Variants in AFDN observed in about 807,000 individuals in gnomAD.
The protein encoded by AFDN is afadin.
A neutral mutation model predicts 216.6 loss-of-function variants in AFDN; 68 were observed. That is an observed-to-expected ratio of 0.31 (90% CI 0.26 to 0.38). The LOEUF (loss-of-function observed/expected upper bound fraction) is 0.38. AFDN is among the 10% of genes least tolerant of loss of function. The pLI is 1.00. For synonymous variants in AFDN, 868 were observed against 853.7 expected (o/e 1.02, Z -0.29); for missense variants, 2,136 against 2,342.0 (o/e 0.91, Z 1.82).
chr6:167,909,799 C>T (rs1483165823), intron 13 of AFDN, among the ~76,000 whole-genome samples: 3 of 152,206 alleles, frequency 2.0e-5, no homozygotes, highest in South Asian at 4.2e-4. Flanking sequence ...ATTAAGTTTG[C>T]GGAAGGCAAA....
In AFDN at chr6:167,951,430, C is replaced by G. The variant is rs1205227258; in HGVS notation, c.4076C>G (p.Thr1359Ser). The part of the protein sequence containing the change: ...RWKTPAAIPA[T>S]PVAVSQPIRT... ...AAAACACCAGCAGCCATACCGGCCA[C>G]CCCTGTGGCCGTCTCCCAGCCAATC... Residue 1359 changes from threonine to serine, a missense_variant, in exon 30 of 34, where the codon ACC becomes AGC. By Grantham distance (58) the Thr-to-Ser change is moderately conservative. Around this residue, in one of 8 missense-constraint regions of AFDN, gnomAD observed 981 missense variants for 966.0 expected, o/e 1.02. Coordinates refer to ENST00000683244, the MANE Select transcript of AFDN (RefSeq NM_001386888.1). This position sits in a 1 kb window ranked among gnomAD's most constrained non-coding sequence, Gnocchi z 7.1. The G allele has an allele frequency of 6.2e-7, 1 of 1,614,014 alleles. No individual in the cohort carries two copies. Among genetic ancestry groups the G allele is most frequent in the East Asian group, 2.2e-5 (1 of 44,872 alleles).
intron 30 of AFDN, 158 bp downstream of exon 30, chr6:167,952,345 G>C: frequency 1.3e-6 from 2 of 1,506,096 alleles, no homozygotes; most frequent in East Asian, 2.3e-5. Flanking sequence ...GGCTGATGTC[G>C]TAGAGAAATG....
chr6:167,950,443 C>T (rs1011109761), intron 29 of AFDN, among the ~76,000 whole-genome samples: 1 of 151,612 alleles, frequency 6.6e-6, no homozygotes, highest in African/African-American at 2.4e-5. Flanking sequence ...CTGTCTCTCA[C>T]AGACACACAC....
intron 8 of AFDN, among the ~76,000 whole-genome samples, chr6:167,891,627 C>T (rs1236929340): frequency 6.6e-6 from 1 of 151,986 alleles, no homozygotes; most frequent in Non-Finnish European, 1.5e-5. Flanking sequence ...CTAAAGCTGT[C>T]GTTTCAGGTT....
At chr6:167,876,784 C>CAT (rs1554288773) in intron 5 of AFDN, among the ~76,000 whole-genome samples, 3 of 149,740 alleles carry the variant, frequency 2.0e-5, no homozygotes, top group Non-Finnish European at 1.5e-5. Flanking sequence ...TTTTTTTTTA[C>CAT]GATAAAATAG....
chr6:167,867,671 T>C (rs900031971), intron 2 of AFDN, among the ~76,000 whole-genome samples: 7 of 152,138 alleles, frequency 4.6e-5, no homozygotes, highest in Non-Finnish European at 1.0e-4. Flanking sequence ...GACCTTGTGA[T>C]CCACCTGCCT....
At chr6:167,920,200 G>A (rs1441852373) in intron 21 of AFDN, among the ~76,000 whole-genome samples, 3 of 152,132 alleles carry the variant, frequency 2.0e-5, no homozygotes. Flanking sequence ...TAGGCAGGGA[G>A]AGCCTTCAGT....
chr6:167,855,053 A>C (rs943253369), intron 1 of AFDN, among the ~76,000 whole-genome samples: 1 of 152,020 alleles, frequency 6.6e-6, no homozygotes, highest in African/African-American at 2.4e-5. Context: ...CAAACTGTTC[A>C]ATGATGATAT....
chr6:167,827,686 C>G (rs1249262926), intron 1 of AFDN: 41 of 151,764 alleles, frequency 2.7e-4, no homozygotes, highest in Non-Finnish European at 4.4e-5. Context: ...GTGACGCGCG[C>G]TGTGCTTCGG....
chr6:167,877,097 A>G (rs1257664058), intron 5 of AFDN, among the ~76,000 whole-genome samples: 1 of 152,194 alleles, frequency 6.6e-6, no homozygotes, highest in Non-Finnish European at 1.5e-5. Flanking sequence ...TGACAGTGGG[A>G]CTGTAAAGAG....
chr6:167,946,376 T>G (rs559913568), intron 26 of AFDN, among the ~76,000 whole-genome samples: 1 of 152,254 alleles, frequency 6.6e-6, no homozygotes, highest in Admixed American at 6.5e-5. Context: ...TCAGATATTT[T>G]TCTACAAAGT....
intron 6 of AFDN, among the ~76,000 whole-genome samples, chr6:167,886,689 T>C (rs1786857436): frequency 6.6e-6 from 1 of 152,162 alleles, no homozygotes; most frequent in African/African-American, 2.4e-5. Context: ...TAGAATTGAT[T>C]AGTAACTGCT....
intron 23 of AFDN, among the ~76,000 whole-genome samples, chr6:167,942,600 A>G (rs539207611): frequency 6.6e-6 from 1 of 152,196 alleles, no homozygotes; most frequent in South Asian, 2.1e-4. Flanking sequence ...TATCAATTCT[A>G]TGTGAATTGG....
Position 167,914,331 on chromosome 6 carries a change from G to C in AFDN, c.2204+18G>C. On this transcript the variant is annotated intron_variant, in intron 17 of 33. Transcript: ENST00000683244. ...GCATTTAAGTAAGGAACACATTTTT[G>C]AAGGCGGCACTACTCTAAATAATTA... The C allele has an allele frequency of 6.2e-7, 1 of 1,613,196 alleles. No homozygotes were observed. The highest frequency in any genetic ancestry group is 8.5e-7 in the Non-Finnish European group (1 of 1,179,556).
intron 4 of AFDN, among the ~76,000 whole-genome samples, chr6:167,874,057 C>G (rs1017184758): frequency 1.3e-5 from 2 of 152,134 alleles, no homozygotes; most frequent in South Asian, 2.1e-4. Flanking sequence ...TACAAAGATA[C>G]GTTGCTCATA....
chr6:167,943,860 C>G, intron 25 of AFDN, 81 bp from the exon 26 acceptor site: 1 of 1,164,270 alleles, frequency 8.6e-7, no homozygotes, highest in East Asian at 2.4e-5. Context: ...CATGATTTTC[C>G]ATTGCTATAA....
At chr6:167,922,269 T>TA (rs753992547) in intron 21 of AFDN, among the ~76,000 whole-genome samples, 69 of 152,260 alleles carry the variant, frequency 4.5e-4, no homozygotes, top group Non-Finnish European at 7.8e-4. Flanking sequence ...ATATCAGAGA[T>TA]ATTCTTGAAA....
chr6:167,918,813 T>A lies in AFDN; in HGVS notation c.2788T>A (p.Leu930Met), dbSNP rs1018814350. ...LARSDGREVQ[L>M]EEDPDLQLPF... ...CCGCAGTGATGGAAGGGAAGTGCAG[T>A]TGGAGGAGGATCCTGATCTGCAGCT... The change falls in exon 21 of 34, where the codon TTG (leucine) becomes ATG (methionine). Residue 930 changes from leucine to methionine, a missense_variant. Physicochemically the swap from Leu to Met is conservative, Grantham distance 15. Coordinates refer to ENST00000683244, the MANE Select transcript of AFDN (RefSeq NM_001386888.1). 6.2e-7 allele frequency: 1 copy of A among 1,612,938 alleles called. No homozygotes were observed. Among genetic ancestry groups the A allele is most frequent in the South Asian group, 1.1e-5 (1 of 90,868 alleles).
intron 30 of AFDN, chr6:167,952,632 G>A: frequency 3.0e-6 from 1 of 331,850 alleles, no homozygotes; most frequent in Non-Finnish European, 4.3e-6. Flanking sequence ...AGCAGCCACA[G>A]GCACAAGTAA....
Sources: gnomAD v4.1 joint callset for allele counts (sites outside exome capture counted in the v4.1 genomes callset) on GRCh38, gnomAD v4.1.1 for gene constraint, gnomAD v4.1.1 regional missense constraint, Gnocchi (gnomAD v3.1) non-coding constraint, MANE v1.5 for transcripts, NCBI Gene and HGNC (gene_info 2026-07-23, HGNC 2026-07-21) for gene names.